Variants in GRIA2 observed in about 807,000 individuals in gnomAD.
GRIA2 encodes the protein glutamate ionotropic receptor AMPA type subunit 2, also known as glutamate receptor 2.
In GRIA2, 14 loss-of-function variants were observed where a neutral mutation model predicts 97.3. The observed-to-expected ratio is 0.14, with a 90% CI of 0.10 to 0.23. The LOEUF (loss-of-function observed/expected upper bound fraction) is 0.23, where lower values mean the gene tolerates loss of function less well. Ranked by LOEUF, GRIA2 falls within the 10% of genes least tolerant of loss-of-function variation. GRIA2 has a pLI of 1.00. For missense variants in GRIA2, 558 were observed against 1,069.8 expected (o/e 0.52, Z 6.67); for synonymous variants, 412 against 387.8 (o/e 1.06, Z -0.73).
At chr4:157,222,406 T>C (rs1202369295) in intron 2 of GRIA2, among the ~76,000 whole-genome samples, 1 of 152,128 alleles carries the variant, frequency 6.6e-6, no homozygotes, top group Admixed American at 6.5e-5. Context: ...ATCGGGGCTG[T>C]TACATAACGC....
intron 2 of GRIA2, among the ~76,000 whole-genome samples, chr4:157,282,753 C>T (rs1732663854): frequency 6.6e-6 from 1 of 152,072 alleles, no homozygotes; most frequent in South Asian, 2.1e-4. Context: ...CAATTACCAT[C>T]CCTCCATATG....
chr4:157,337,766 T>C (rs944099691), intron 11 of GRIA2, among the ~76,000 whole-genome samples: 1 of 151,688 alleles, frequency 6.6e-6, no homozygotes, highest in African/African-American at 2.4e-5. Flanking sequence ...ATCTTTTTAG[T>C]ATATTTCACT....
At chr4:157,295,729 A>G (rs1733317626) in intron 2 of GRIA2, among the ~76,000 whole-genome samples, 1 of 152,284 alleles carries the variant, frequency 6.6e-6, no homozygotes, top group South Asian at 2.1e-4. Flanking sequence ...TCATAAGAAG[A>G]GAACATTGTA....
At chr4:157,324,725 C>T (rs1042633339) in intron 6 of GRIA2, among the ~76,000 whole-genome samples, 1 of 152,064 alleles carries the variant, frequency 6.6e-6, no homozygotes, top group African/African-American at 2.4e-5. Flanking sequence ...AGGTAAGGTC[C>T]TTAAATTGTC....
chr4:157,303,349 T>G (rs1733697327), intron 2 of GRIA2, among the ~76,000 whole-genome samples: 1 of 152,230 alleles, frequency 6.6e-6, no homozygotes, highest in African/African-American at 2.4e-5. Flanking sequence ...GAACTACTTT[T>G]TATGCTTTAG....
chr4:157,229,548 G>T (rs111714914), intron 2 of GRIA2, among the ~76,000 whole-genome samples: 1 of 151,922 alleles, frequency 6.6e-6, no homozygotes, highest in South Asian at 2.1e-4. Context: ...GATTGCTTAC[G>T]TTTTTGTATC....
At chr4:157,267,410 A>G (rs1362493200) in intron 2 of GRIA2, among the ~76,000 whole-genome samples, 1 of 151,700 alleles carries the variant, frequency 6.6e-6, no homozygotes, top group Non-Finnish European at 1.5e-5. Flanking sequence ...AAAAAAAAAA[A>G]AAAGTTAAAA....
At chr4:157,267,845 A>T (rs1397167238) in intron 2 of GRIA2, among the ~76,000 whole-genome samples, 1 of 152,120 alleles carries the variant, frequency 6.6e-6, no homozygotes, top group Non-Finnish European at 1.5e-5. Context: ...AAATTGAAAC[A>T]ATCTCAACTC....
chr4:157,356,125 TTA>T (rs1164965597), intron 12 of GRIA2, among the ~76,000 whole-genome samples: 1 of 129,974 alleles, frequency 7.7e-6, no homozygotes, highest in African/African-American at 2.9e-5. Context: ...TTATATATAT[TTA>T]TATATATTTA....
At chr4:157,308,645 T>A (rs1360292210) in intron 3 of GRIA2, among the ~76,000 whole-genome samples, 1 of 152,216 alleles carries the variant, frequency 6.6e-6, no homozygotes, top group Non-Finnish European at 1.5e-5. Context: ...AACTATTGCA[T>A]ACTAATAGCT....
chr4:157,355,624 ATATT>A lies in GRIA2; in HGVS notation c.2044-4264_2044-4261del, dbSNP rs1185528420. 4.4e-5 allele frequency among the ~76,000 whole-genome samples: 6 copies of A among 136,624 alleles called. No homozygotes were observed. The South Asian group carries it at 1.1e-3, about 24-fold the overall frequency. The allele number at this position is 136,624 out of a possible 152,430, so 89.6% of individuals were successfully genotyped here. ...TATATTTATATATATTTATTTATAT[ATATT>A]TATTTATATATATTTATTTATATAT... On this transcript the variant is annotated intron_variant, in intron 12 of 15. Transcript: ENST00000264426.
chr4:157,307,388 A>G (rs1394512721), intron 3 of GRIA2, among the ~76,000 whole-genome samples: 1 of 152,056 alleles, frequency 6.6e-6, no homozygotes, highest in Non-Finnish European at 1.5e-5. Flanking sequence ...TTTGTATGGA[A>G]CCCTCTTTGA....
At chr4:157,281,306 C>T (rs939416442) in intron 2 of GRIA2, among the ~76,000 whole-genome samples, 3 of 152,048 alleles carry the variant, frequency 2.0e-5, no homozygotes, top group Non-Finnish European at 4.4e-5. Context: ...ATTCATTGCT[C>T]TCTGCTCCAC....
At chr4:157,347,936 C>T (rs997302999) in intron 12 of GRIA2, among the ~76,000 whole-genome samples, 4 of 151,958 alleles carry the variant, frequency 2.6e-5, no homozygotes, top group Non-Finnish European at 5.9e-5. Context: ...CCATCCTGGC[C>T]AACATGGTGA....
intron 2 of GRIA2, among the ~76,000 whole-genome samples, chr4:157,275,796 G>GT (rs1477227299): frequency 1.3e-5 from 2 of 152,130 alleles, no homozygotes; most frequent in African/African-American, 4.8e-5. Flanking sequence ...TTGAAGTCAG[G>GT]TAGCGTGATG....
intron 2 of GRIA2, among the ~76,000 whole-genome samples, chr4:157,243,326 T>C (rs753790379): frequency 6.6e-6 from 1 of 152,100 alleles, no homozygotes; most frequent in Admixed American, 6.6e-5. Flanking sequence ...TTTAGAAATC[T>C]GATAGAGTTT....
chr4:157,360,258 C>A (rs994219249), intron 13 of GRIA2, 115 bp downstream of exon 13: 11 of 936,976 alleles, frequency 1.2e-5, no homozygotes, highest in Admixed American at 2.7e-5. Flanking sequence ...CTCACCATCA[C>A]AAAAATGACC....
intron 2 of GRIA2, among the ~76,000 whole-genome samples, chr4:157,259,966 T>G (rs913687341): frequency 6.6e-6 from 1 of 152,128 alleles, no homozygotes; most frequent in African/African-American, 2.4e-5. Context: ...CAGTTCAATC[T>G]CCAAATTAGA....
intron 14 of GRIA2, 36 bp from the exon 15 acceptor site, chr4:157,362,763 C>T: frequency 6.4e-7 from 1 of 1,573,138 alleles, no homozygotes; most frequent in Non-Finnish European, 8.6e-7. Flanking sequence ...CACCAGTTTG[C>T]CTTCCTAATA....
Sources: gnomAD v4.1 joint callset for allele counts (sites outside exome capture counted in the v4.1 genomes callset) on GRCh38, gnomAD v4.1.1 for gene constraint, MANE v1.5 for transcripts, NCBI Gene and HGNC (gene_info 2026-07-23, HGNC 2026-07-21) for gene names.